Variants in XKR6 observed in about 807,000 individuals in gnomAD.
XKR6 encodes the protein XK related 6.
XKR6 carries 22 observed loss-of-function variants against 56.7 expected under a neutral mutation model. That is an observed-to-expected ratio of 0.39 (90% confidence interval 0.28 to 0.55). The LOEUF (loss-of-function observed/expected upper bound fraction) is 0.55. Ranked by LOEUF, XKR6 falls within the 20% of genes least tolerant of loss-of-function variation. XKR6 has a pLI of 0.66. For missense variants in XKR6, 852 were observed against 889.0 expected (o/e 0.96, Z 0.53); for synonymous variants, 524 against 387.8 (o/e 1.35, Z -4.13).
intron 1 of XKR6, among the ~76,000 whole-genome samples, chr8:10,945,099 C>G (rs1333165519): frequency 1.3e-5 from 2 of 152,188 alleles, no homozygotes; most frequent in Admixed American, 1.3e-4. Flanking sequence ...ACTGGCTCCA[C>G]CCCACGCCAC....
chr8:11,020,976 T>G (rs1798737093), intron 1 of XKR6, among the ~76,000 whole-genome samples: 1 of 152,210 alleles, frequency 6.6e-6, no homozygotes, highest in Admixed American at 6.5e-5. Flanking sequence ...GAGCTACTTG[T>G]GGAGATGATG....
chr8:11,185,765 T>G (rs1011656308), intron 1 of XKR6, among the ~76,000 whole-genome samples: 2 of 152,218 alleles, frequency 1.3e-5, no homozygotes, highest in African/African-American at 4.8e-5. Context: ...TACTTTTCAT[T>G]GAGTCCCTGA....
chr8:11,121,737 T>A (rs1799465927), intron 1 of XKR6, among the ~76,000 whole-genome samples: 2 of 152,210 alleles, frequency 1.3e-5, no homozygotes. Flanking sequence ...CATGCACACA[T>A]ATGTTTATTG....
chr8:11,132,407 G>A (rs1335644271), intron 1 of XKR6, among the ~76,000 whole-genome samples: 1 of 151,646 alleles, frequency 6.6e-6, no homozygotes, highest in Non-Finnish European at 1.5e-5. Context: ...CACCCAGGCT[G>A]GAGTGTGGTG....
intron 1 of XKR6, among the ~76,000 whole-genome samples, chr8:11,000,404 G>C (rs1303097560): frequency 1.3e-5 from 2 of 152,174 alleles, no homozygotes; most frequent in Non-Finnish European, 2.9e-5. Context: ...ACACATATTA[G>C]GCCAGGTGTG....
chr8:10,987,236 A>G (rs540714774), intron 1 of XKR6, among the ~76,000 whole-genome samples: 2 of 152,230 alleles, frequency 1.3e-5, no homozygotes, highest in Non-Finnish European at 2.9e-5. Flanking sequence ...GGATCCCACA[A>G]TTCTTTGTCC....
chr8:10,979,150 G>A (rs1453189666), intron 1 of XKR6, among the ~76,000 whole-genome samples: 2 of 151,810 alleles, frequency 1.3e-5, no homozygotes, highest in African/African-American at 4.8e-5. Context: ...TCCCTAGGAG[G>A]TTCTGGGGAT....
chr8:11,063,764 T>C (rs1799908025), intron 1 of XKR6, among the ~76,000 whole-genome samples: 1 of 152,166 alleles, frequency 6.6e-6, no homozygotes, highest in African/African-American at 2.4e-5. Context: ...GTAACATTTT[T>C]TGGAATCCCC....
intron 1 of XKR6, among the ~76,000 whole-genome samples, chr8:11,129,224 A>G (rs1251926006): frequency 2.6e-5 from 4 of 152,196 alleles, no homozygotes; most frequent in African/African-American, 9.7e-5. Context: ...ACGCCACTGA[A>G]TTGTTCATTT....
chr8:10,943,168 C>T (rs561555108), intron 1 of XKR6, among the ~76,000 whole-genome samples: 1 of 152,322 alleles, frequency 6.6e-6, no homozygotes, highest in East Asian at 1.9e-4. Flanking sequence ...CAGGACAGAG[C>T]AAAAGGCCTT....
chr8:11,089,333 T>C (rs1797991584), intron 1 of XKR6, among the ~76,000 whole-genome samples: 1 of 152,204 alleles, frequency 6.6e-6, no homozygotes, highest in Non-Finnish European at 1.5e-5. Flanking sequence ...GGTTGAGTGC[T>C]TTTTAAAAAT....
At chr8:10,960,247 AGGTGCAGGTATAGCAGGTG>A (rs981345091) in intron 1 of XKR6, among the ~76,000 whole-genome samples, 5 of 149,990 alleles carry the variant, frequency 3.3e-5, no homozygotes, top group Admixed American at 2.0e-4. Flanking sequence ...TATAGCAGGT[AGGTGCAGGTATAGCAGGTG>A]GGTGCAGGTA....
At chr8:10,942,742 T>C (rs970459560) in intron 1 of XKR6, among the ~76,000 whole-genome samples, 1 of 152,190 alleles carries the variant, frequency 6.6e-6, no homozygotes, top group African/African-American at 2.4e-5. Context: ...ATGCCCCAAC[T>C]TGCCAATCAC....
intron 1 of XKR6, among the ~76,000 whole-genome samples, chr8:10,959,546 C>G (rs1173409238): frequency 6.6e-6 from 1 of 152,184 alleles, no homozygotes; most frequent in Admixed American, 6.5e-5. Flanking sequence ...CAGCCACCTT[C>G]TTGCTGTGTC....
At chr8:10,933,119 G>C (rs1334212854) in intron 1 of XKR6, among the ~76,000 whole-genome samples, 7 of 150,456 alleles carry the variant, frequency 4.7e-5, no homozygotes, top group African/African-American at 1.7e-4. Context: ...TCTCATAGTG[G>C]TTTTGATTTG....
chr8:11,181,525 CTTT>C (rs1802981599), intron 1 of XKR6, among the ~76,000 whole-genome samples: 1 of 152,160 alleles, frequency 6.6e-6, no homozygotes, highest in Non-Finnish European at 1.5e-5. Context: ...TTGTAACTTG[CTTT>C]AACATTGTTA....
intron 2 of XKR6, among the ~76,000 whole-genome samples, chr8:10,915,546 C>T (rs890855667): frequency 1.3e-5 from 2 of 152,120 alleles, no homozygotes; most frequent in African/African-American, 4.8e-5. Flanking sequence ...CTCCCTCTCG[C>T]CATTGGTCGG....
chr8:11,117,903 C>G (rs1392953595), intron 1 of XKR6, among the ~76,000 whole-genome samples: 3 of 152,044 alleles, frequency 2.0e-5, no homozygotes, highest in Non-Finnish European at 4.4e-5. Flanking sequence ...TAACTTCAAA[C>G]CCATTCAAAA....
intron 1 of XKR6, among the ~76,000 whole-genome samples, chr8:11,171,230 T>C (rs1802351004): frequency 6.6e-6 from 1 of 152,184 alleles, no homozygotes; most frequent in East Asian, 1.9e-4. Context: ...TGAACTGCCA[T>C]TACAAATGGT....
Sources: gnomAD v4.1 joint callset for allele counts (sites outside exome capture counted in the v4.1 genomes callset) on GRCh38, gnomAD v4.1.1 for gene constraint, MANE v1.5 for transcripts, NCBI Gene and HGNC (gene_info 2026-07-23, HGNC 2026-07-21) for gene names.